OR5H2: variants seen among roughly 807,000 people sequenced by gnomAD.
OR5H2 encodes olfactory receptor 5H2.
For synonymous variants in OR5H2, 132 were observed against 126.8 expected, an observed-to-expected ratio of 1.04 and a Z score of -0.27; for missense variants, 391 against 364.4, an observed-to-expected ratio of 1.07 and a Z score of -0.59.
Position 98,283,013 on chromosome 3 carries a change from C to G in OR5H2, c.111C>G (p.Ile37Met), listed in dbSNP as rs141995751. ...LFLVFLVIYL[I>M]TIVWNLGLIA... is the part of the protein sequence containing the mutation. Reference sequence around the variant, plus strand: ...TGGTGTTCTTGGTGATCTATCTCATCACTATTGTGTGGAACCTTGGTCTGA... The same window carrying G: ...TGGTGTTCTTGGTGATCTATCTCATGACTATTGTGTGGAACCTTGGTCTGA... The change falls in exon 1 of 1, where the codon ATC becomes ATG. Residue 37 changes from isoleucine to methionine, a missense_variant. Transcript: ENST00000355273. 28 of 1,613,972 alleles carry G rather than the reference C, an allele frequency of 1.7e-5. No individual in the cohort carries two copies. The African/African-American group carries it at 2.8e-4, about 16-fold the overall frequency.
Position 98,283,437 on chromosome 3 carries a change from T to G in OR5H2, c.535T>G (p.Cys179Gly). The change falls in exon 1 of 1, where the codon TGT becomes GGT. Residue 179 changes from cysteine (C) to glycine (G), a missense_variant. Cys to Gly is a radical substitution (Grantham distance 159). Coordinates refer to ENST00000355273, the MANE Select transcript of OR5H2 (RefSeq NM_001005482.2). ...CNSNIIHHFY[C>G]DIIPLFMISC... ...TTCTAACATAATACATCATTTTTAC[T>G]GTGATATTATACCACTGTTTATGAT... is the stretch of plus-strand genomic sequence containing the variant. 1 of 1,608,462 alleles carries G rather than the reference T, an allele frequency of 6.2e-7. No individual in the cohort carries two copies. Among genetic ancestry groups the G allele is most frequent in the African/African-American group, 1.3e-5 (1 of 74,450 alleles).
chr3:98,284,052 A>C lies in OR5H2; in HGVS notation c.*220A>C, dbSNP rs1011156815. Among the ~76,000 whole-genome samples the C allele has an allele frequency of 2.0e-5, 3 of 152,192 alleles. No homozygotes were observed. Among genetic ancestry groups the C allele is most frequent in the Admixed American group, 2.0e-4 (3 of 15,264 alleles). On this transcript the variant is annotated 3_prime_UTR_variant, in exon 1 of 1. Coordinates refer to ENST00000355273, the MANE Select transcript of OR5H2 (RefSeq NM_001005482.2). ...ATGTTATATTAGATAATTAAAGCAGAAAACAAATGAAAACATTTATAGGTT... is the reference window on the plus strand; with the variant it reads ...ATGTTATATTAGATAATTAAAGCAGCAAACAAATGAAAACATTTATAGGTT...
Position 98,283,288 on chromosome 3 carries a change from C to T in OR5H2, c.386C>T (p.Pro129Leu). ...AYDRYVAICK[P>L]LLYPVIMNNS... ...GATCGCTATGTAGCCATATGCAAACCTTTACTATATCCAGTGATTATGAAC... is the reference window on the plus strand; with the variant it reads ...GATCGCTATGTAGCCATATGCAAACTTTTACTATATCCAGTGATTATGAAC... The change falls in exon 1 of 1, where the codon CCT becomes CTT. Residue 129 changes from proline to leucine, a missense_variant. By Grantham distance (98) the Pro-to-Leu change is moderately conservative. Coordinates refer to ENST00000355273, the MANE Select transcript of OR5H2 (RefSeq NM_001005482.2). The T allele has an allele frequency of 1.2e-6, 2 of 1,613,770 alleles. No homozygotes were observed. Among genetic ancestry groups the T allele is most frequent in the Non-Finnish European group, 1.7e-6 (2 of 1,179,906 alleles).
Position 98,283,420 on chromosome 3 carries a change from T to C in OR5H2, c.518T>C (p.Ile173Thr). The C allele has an allele frequency of 6.2e-7, 1 of 1,609,432 alleles. No individual in the cohort carries two copies. Among genetic ancestry groups the C allele is most frequent in the Non-Finnish European group, 8.5e-7 (1 of 1,179,036 alleles). The change falls in exon 1 of 1, where the codon ATA (isoleucine) becomes ACA (threonine). Residue 173 changes from isoleucine to threonine, a missense_variant. Physicochemically the swap from Ile to Thr is moderately conservative, Grantham distance 89 (BLOSUM62 -1). Transcript: ENST00000355273. ...AGATTAACCTTCTGCAATTCTAACA[T>C]AATACATCATTTTTACTGTGATATT... is the stretch of plus-strand genomic sequence containing the variant. The part of the protein sequence containing the change: ...IFRLTFCNSN[I>T]IHHFYCDIIP...
chr3:98,283,724 C>A lies in OR5H2; in HGVS notation c.822C>A (p.Asp274Glu), dbSNP rs1559844834. Residue 274 changes from aspartate (D) to glutamate (E), a missense_variant, in exon 1 of 1, where the codon GAC becomes GAA. Coordinates refer to ENST00000355273, the MANE Select transcript of OR5H2 (RefSeq NM_001005482.2). ...SPQADDQDMI[D>E]SVFYTIIIPL... The stretch of plus-strand genomic sequence containing the variant: ...AAGCAGATGACCAAGATATGATAGA[C>A]TCTGTCTTTTATACAATCATAATTC... 6.2e-7 allele frequency: 1 copy of A among 1,610,214 alleles called. No homozygotes were observed. The highest frequency in any genetic ancestry group is 1.3e-5 in the African/African-American group (1 of 74,858).
rs1706148837 is a variant in OR5H2 at position 98,282,977 on chromosome 3, GC to G, written c.79del (p.Leu27CysfsTer7). 6.2e-7 allele frequency: 1 copy of G among 1,613,796 alleles called. No individual in the cohort carries two copies. The highest frequency in any genetic ancestry group is 1.3e-5 in the African/African-American group (1 of 74,892). On this transcript the variant is annotated frameshift_variant, in exon 1 of 1. Coordinates refer to ENST00000355273, the MANE Select transcript of OR5H2 (RefSeq NM_001005482.2). LOFTEE classifies it low-confidence loss of function (END_TRUNC). ...TTACATATCAGCCAGAGTGGAAAAT[GC>G]CCCTGTTCTTGGTGTTCTTGGTGAT... ...GLTYQPEWKM[P>X]LFLVFLVIYL...
chr3:98,283,734 T>C lies in OR5H2; in HGVS notation c.832T>C (p.Tyr278His), dbSNP rs1706165801. ...CCAAGATATGATAGACTCTGTCTTTTATACAATCATAATTCCTTTGCTAAA... is the reference window on the plus strand; with the variant it reads ...CCAAGATATGATAGACTCTGTCTTTCATACAATCATAATTCCTTTGCTAAA... ...DDQDMIDSVF[Y>H]TIIIPLLNPI... Residue 278 changes from tyrosine (Y) to histidine (H), a missense_variant, in exon 1 of 1, where the codon TAT (tyrosine) becomes CAT (histidine). Transcript: ENST00000355273. 1 of 1,607,666 alleles carries C rather than the reference T, an allele frequency of 6.2e-7. No individual in the cohort carries two copies.
rs1280251790 is a variant in OR5H2 at position 98,283,221 on chromosome 3, G to A, written c.319G>A (p.Gly107Ser). 5 of 1,613,858 alleles carry A rather than the reference G, an allele frequency of 3.1e-6. No individual in the cohort carries two copies. The highest frequency in any genetic ancestry group is 4.2e-6 in the Non-Finnish European group (5 of 1,179,890). ...CMIQFFSFAF[G>S]GTTECFLLAT... ...GATTCAATTTTTTTCCTTTGCATTT[G>A]GTGGAACTACAGAATGTTTTCTCTT... is the stretch of plus-strand genomic sequence containing the variant. The change falls in exon 1 of 1, where the codon GGT becomes AGT. Residue 107 changes from glycine (G) to serine (S), a missense_variant. Transcript: ENST00000355273.
In OR5H2 at chr3:98,283,377, C is replaced by A; in HGVS notation, c.475C>A (p.His159Asn). The A allele has an allele frequency of 6.2e-7, 1 of 1,611,752 alleles. No individual in the cohort carries two copies. ...AGGTGGCTTCCTCCATGCCTTAATT[C>A]ATGAAGTCCTTATATTCAGATTAAC... is the stretch of plus-strand genomic sequence containing the variant. Reference protein sequence around the residue: ...FLGGFLHALIHEVLIFRLTFC... With the variant: ...FLGGFLHALINEVLIFRLTFC... Residue 159 changes from histidine (H) to asparagine (N), a missense_variant, in exon 1 of 1, where the codon CAT (histidine) becomes AAT (asparagine). Physicochemically the swap from His to Asn is moderately conservative, Grantham distance 68. Coordinates refer to ENST00000355273, the MANE Select transcript of OR5H2 (RefSeq NM_001005482.2).
rs758722437 is a variant in OR5H2 at position 98,283,685 on chromosome 3, C to T, written c.783C>T (p.Arg261=). 3.1e-6 allele frequency: 5 copies of T among 1,613,120 alleles called. No individual in the cohort carries two copies. The highest frequency in any genetic ancestry group is 4.2e-6 in the Non-Finnish European group (5 of 1,179,714). The change falls in exon 1 of 1, where the codon CGC becomes CGT. Residue 261 remains arginine (R), a synonymous_variant. Coordinates refer to ENST00000355273, the MANE Select transcript of OR5H2 (RefSeq NM_001005482.2). Reference sequence around the variant, plus strand: ...GCCCACTTATCTTCATGTATTTGCGCCCTGCATCTCCACAAGCAGATGACC... The same window carrying T: ...GCCCACTTATCTTCATGTATTTGCGTCCTGCATCTCCACAAGCAGATGACC... The part of the protein sequence containing the change: ...YYGPLIFMYL[R]PASPQADDQD...
Position 98,283,366 on chromosome 3 carries a change from A to T in OR5H2, c.464A>T (p.His155Leu), listed in dbSNP as rs148678130. ...LAFSFLGGFL[H>L]ALIHEVLIFR... ...TTCTCATTTTTAGGTGGCTTCCTCC[A>T]TGCCTTAATTCATGAAGTCCTTATA... The change falls in exon 1 of 1, where the codon CAT becomes CTT. Residue 155 changes from histidine (H) to leucine (L), a missense_variant. His to Leu is a moderately conservative substitution (Grantham distance 99, BLOSUM62 -3). Coordinates refer to ENST00000355273, the MANE Select transcript of OR5H2 (RefSeq NM_001005482.2). 2 of 1,612,108 alleles carry T rather than the reference A, an allele frequency of 1.2e-6. No homozygotes were observed. The highest frequency in any genetic ancestry group is 1.7e-6 in the Non-Finnish European group (2 of 1,179,574).
At position 98,283,717 on chromosome 3, in the gene OR5H2, T is replaced by G; in HGVS notation, c.815T>G (p.Met272Arg). 6.2e-7 allele frequency: 1 copy of G among 1,611,362 alleles called. No individual in the cohort carries two copies. Among genetic ancestry groups the G allele is most frequent in the Non-Finnish European group, 8.5e-7 (1 of 1,178,452 alleles). Residue 272 changes from methionine to arginine, a missense_variant, in exon 1 of 1, where the codon ATG becomes AGG. Coordinates refer to ENST00000355273, the MANE Select transcript of OR5H2 (RefSeq NM_001005482.2). Reference protein sequence around the residue: ...PASPQADDQDMIDSVFYTIII... With the variant: ...PASPQADDQDRIDSVFYTIII... ...TCTCCACAAGCAGATGACCAAGATA[T>G]GATAGACTCTGTCTTTTATACAATC... is the stretch of plus-strand genomic sequence containing the variant.
At position 98,283,032 on chromosome 3, in the gene OR5H2, G is replaced by T; in HGVS notation, c.130G>T (p.Gly44Cys). 6.2e-7 allele frequency: 1 copy of T among 1,613,848 alleles called. No individual in the cohort carries two copies. The highest frequency in any genetic ancestry group is 2.2e-5 in the East Asian group (1 of 44,846). ...TCTCATCACTATTGTGTGGAACCTT[G>T]GTCTGATTGCTCTTATCTGGAATGA... ...IYLITIVWNL[G>C]LIALIWNDPQ... is the part of the protein sequence containing the mutation. The change falls in exon 1 of 1, where the codon GGT (glycine) becomes TGT (cysteine). Residue 44 changes from glycine (G) to cysteine (C), a missense_variant. Coordinates refer to ENST00000355273, the MANE Select transcript of OR5H2 (RefSeq NM_001005482.2).
Position 98,283,200 on chromosome 3 carries a change from C to A in OR5H2, c.298C>A (p.Gln100Lys). Residue 100 changes from glutamine to lysine, a missense_variant, in exon 1 of 1, where the codon CAA becomes AAA. Coordinates refer to ENST00000355273, the MANE Select transcript of OR5H2 (RefSeq NM_001005482.2). The stretch of plus-strand genomic sequence containing the variant: ...GATATCTCTGTCTGAATGCATGATT[C>A]AATTTTTTTCCTTTGCATTTGGTGG... ...RMISLSECMI[Q>K]FFSFAFGGTT... The A allele has an allele frequency of 6.2e-7, 1 of 1,613,904 alleles. No individual in the cohort carries two copies. The highest frequency in any genetic ancestry group is 8.5e-7 in the Non-Finnish European group (1 of 1,179,934).
In OR5H2 at chr3:98,282,843, G is replaced by C. The variant is rs575488697; in HGVS notation, c.-60G>C. 2.7e-6 allele frequency: 4 copies of C among 1,480,738 alleles called. No homozygotes were observed. Among genetic ancestry groups the C allele is most frequent in the Non-Finnish European group, 3.8e-6 (4 of 1,063,396 alleles). The allele number at this position is 1,480,738 out of a possible 1,614,324, so 91.7% of individuals were successfully genotyped here. A position where few individuals can be genotyped will look rare whatever the true frequency, so the allele number is the denominator to read the frequency against. On this transcript the variant is annotated 5_prime_UTR_variant, in exon 1 of 1. Coordinates refer to ENST00000355273, the MANE Select transcript of OR5H2 (RefSeq NM_001005482.2). Reference sequence around the variant, plus strand: ...CCCTCCCCCAGTATTTGCTGTATAAGTCTTAGTGAATGCTCTTTTACATTT... The same window carrying C: ...CCCTCCCCCAGTATTTGCTGTATAACTCTTAGTGAATGCTCTTTTACATTT...
In OR5H2 at chr3:98,283,601, CGTAAGGAAAGCCTTT is replaced by C. The variant is rs1706161962; in HGVS notation, c.700_714del (p.Val234_Phe238del). The C allele has an allele frequency of 6.2e-7, 1 of 1,613,336 alleles. No homozygotes were observed. The highest frequency in any genetic ancestry group is 1.3e-5 in the African/African-American group (1 of 74,822). The stretch of plus-strand genomic sequence containing the variant: ...TCCTAAAAAAGAAGTCTGTTAGAGG[CGTAAGGAAAGCCTTT>C]TCCACCTGTGGAGCCCATCTCTTAT... On this transcript the variant is annotated inframe_deletion, in exon 1 of 1. Coordinates refer to ENST00000355273, the MANE Select transcript of OR5H2 (RefSeq NM_001005482.2).
Position 98,283,415 on chromosome 3 carries a change from T to C in OR5H2, c.513T>C (p.Ser171=), listed in dbSNP as rs2107406814. ...VLIFRLTFCN[S]NIIHHFYCDI... ...TATTCAGATTAACCTTCTGCAATTC[T>C]AACATAATACATCATTTTTACTGTG... is the stretch of plus-strand genomic sequence containing the variant. Residue 171 remains serine (S), a synonymous_variant, in exon 1 of 1, where the codon TCT becomes TCC. Transcript: ENST00000355273. 1 of 1,609,448 alleles carries C rather than the reference T, an allele frequency of 6.2e-7. No individual in the cohort carries two copies. The highest frequency in any genetic ancestry group is 8.5e-7 in the Non-Finnish European group (1 of 1,179,024).
Position 98,282,737 on chromosome 3 carries a change from C to G in OR5H2, c.-166C>G, listed in dbSNP as rs1174433091. The G allele has an allele frequency of 2.8e-5, 16 of 575,152 alleles. No homozygotes were observed. The highest frequency in any genetic ancestry group is 4.5e-5 in the Non-Finnish European group (15 of 334,178). The allele number at this position is 575,152 out of a possible 1,614,324, so 35.6% of individuals were successfully genotyped here. ...ATTTATTTTGATTTCTTATATTTCCCAAAACAGTTTCCATCTATTACAGGA... is the reference window on the plus strand; with the variant it reads ...ATTTATTTTGATTTCTTATATTTCCGAAAACAGTTTCCATCTATTACAGGA... On this transcript the variant is annotated 5_prime_UTR_variant, in exon 1 of 1. Coordinates refer to ENST00000355273, the MANE Select transcript of OR5H2 (RefSeq NM_001005482.2).
Position 98,283,436 on chromosome 3 carries a change from C to T in OR5H2, c.534C>T (p.Tyr178=), listed in dbSNP as rs149322547. The T allele has an allele frequency of 1.8e-3, 2,884 of 1,608,440 alleles. 52 individuals carry two copies. The African/African-American group carries it at 0.033, about 18-fold the overall frequency. The change falls in exon 1 of 1, where the codon TAC becomes TAT. Residue 178 remains tyrosine, a synonymous_variant. Transcript: ENST00000355273. ...FCNSNIIHHF[Y]CDIIPLFMIS... ...ATTCTAACATAATACATCATTTTTA[C>T]TGTGATATTATACCACTGTTTATGA...
Sources: allele counts gnomAD v4.1 joint callset (sites outside exome capture counted in the v4.1 genomes callset), GRCh38; gene constraint gnomAD v4.1.1; transcripts MANE v1.5; gene names NCBI Gene and HGNC (gene_info 2026-07-23, HGNC 2026-07-21).